Variants in SNRNP40 observed in about 807,000 individuals in gnomAD.
SNRNP40 encodes U5 small nuclear ribonucleoprotein 40 kDa protein.
A neutral mutation model predicts 45.8 loss-of-function variants in SNRNP40; 21 were observed. That is an observed-to-expected ratio of 0.46 (90% CI 0.32 to 0.66). The LOEUF is 0.66. Among genes scored for constraint, SNRNP40 ranks in the 30% least tolerant of loss-of-function variants. The probability of loss-of-function intolerance (pLI) is 0.03; values close to 1 mark genes in which losing one functional copy is unlikely to be tolerated. For synonymous variants in SNRNP40, 142 were observed against 163.8 expected, an observed-to-expected ratio of 0.87 and a Z score of 1.01; for missense variants, 344 against 439.1, an observed-to-expected ratio of 0.78 and a Z score of 1.94.
intron 2 of SNRNP40, 122 bp from the exon 3 acceptor site, chr1:31,292,128 C>A: frequency 1.9e-6 from 1 of 539,432 alleles, no homozygotes; most frequent in Non-Finnish European, 3.4e-6. Context: ...TTTGGGAGGC[C>A]GAGACGGGTG....
At position 31,293,406 on chromosome 1, in the gene SNRNP40, T is replaced by C. The variant is rs1646120635; in HGVS notation, c.142-58A>G. ...CATACAGACAAAGGAGGCTACAAAATTAGGGGGTGGGGAGTGGAGGGAAAA... is the reference window on the plus strand; with the variant it reads ...CATACAGACAAAGGAGGCTACAAAACTAGGGGGTGGGGAGTGGAGGGAAAA... On this transcript the variant is annotated intron_variant, in intron 1 of 9. Transcript: ENST00000263694. The C allele has an allele frequency of 4.6e-6, 7 of 1,519,100 alleles. No homozygotes were observed. In the African/African-American group the frequency reaches 5.6e-5, roughly 12 times the overall value. The allele number at this position is 1,519,100 out of a possible 1,614,324, so 94.1% of individuals were successfully genotyped here.
intron 4 of SNRNP40, among the ~76,000 whole-genome samples, chr1:31,284,207 T>A (rs897170758): frequency 6.6e-6 from 1 of 152,110 alleles, no homozygotes; most frequent in African/African-American, 2.4e-5. Flanking sequence ...TGGGTGAGAG[T>A]GGCGGCATCT....
At chr1:31,281,633 A>G in intron 4 of SNRNP40, 137 bp from the exon 5 acceptor site, 1 of 659,846 alleles carries the variant, frequency 1.5e-6, no homozygotes, top group Non-Finnish European at 2.3e-6. Flanking sequence ...TAACTCCTGG[A>G]TATCCTAATA....
Position 31,271,379 on chromosome 1 carries a change from CTG to C in SNRNP40, c.773_774del (p.Thr258SerfsTer27). On this transcript the variant is annotated frameshift_variant and splice_region_variant, in exon 6 of 10. Coordinates refer to ENST00000263694, the MANE Select transcript of SNRNP40 (RefSeq NM_004814.3). LOFTEE classifies it high-confidence loss of function. ...SYLLSNAMDNTVRVWDVRPFA... is the reference protein window; with the variant it reads ...SYLLSNAMDNXVRVWDVRPFA... ...GGAGAGATTTCCTTTCCAAAGTTAC[CTG>C]TATTGTCCATTGCATTGGACAAAAG... The C allele has an allele frequency of 2.5e-6, 4 of 1,602,888 alleles. No homozygotes were observed. The highest frequency in any genetic ancestry group is 3.4e-6 in the Non-Finnish European group (4 of 1,177,074).
chr1:31,281,567 T>TTAA, intron 4 of SNRNP40, 71 bp from the exon 5 acceptor site: 1 of 1,408,362 alleles, frequency 7.1e-7, no homozygotes, highest in Non-Finnish European at 9.6e-7. Flanking sequence ...CAAATATCCC[T>TTAA]TAAGTACGAG....
At chr1:31,294,721 C>T (rs1353023569) in intron 1 of SNRNP40, among the ~76,000 whole-genome samples, 3 of 152,114 alleles carry the variant, frequency 2.0e-5, no homozygotes, top group African/African-American at 7.2e-5. Flanking sequence ...GGGCGGATCA[C>T]TTGAGGTCAA....
chr1:31,261,171 T>C (rs1428019449), intron 9 of SNRNP40: 16 of 345,168 alleles, frequency 4.6e-5, no homozygotes, highest in Admixed American at 3.4e-4. Context: ...TGAAACCCCG[T>C]CTCTACTAAA....
intron 1 of SNRNP40, 47 bp downstream of exon 1, chr1:31,296,564 G>C (rs200483003): frequency 2.8e-5 from 44 of 1,569,430 alleles, no homozygotes; most frequent in Non-Finnish European, 3.6e-5. Flanking sequence ...CGCTCTGAGG[G>C]GAGGAAGATG....
rs928428047 is a variant in SNRNP40, at chr1:31,259,727, A to G, written c.*345T>C. The G allele has an allele frequency of 2.9e-5, 14 of 477,564 alleles. No homozygotes were observed. Among genetic ancestry groups the G allele is most frequent in the Non-Finnish European group, 5.5e-5 (14 of 254,744 alleles). 29.6% of individuals were successfully genotyped at this position (477,564 alleles called of 1,614,324 possible). A position where few individuals can be genotyped will look rare whatever the true frequency, so the allele number is the denominator to read the frequency against. On this transcript the variant is annotated 3_prime_UTR_variant, in exon 10 of 10. Transcript: ENST00000263694. ...AATACAAAATGATATAGAGAAATACAGAAAGAAAATATCATACAAGCCAGT... is the reference window on the plus strand; with the variant it reads ...AATACAAAATGATATAGAGAAATACGGAAAGAAAATATCATACAAGCCAGT...
In SNRNP40 at chr1:31,291,996, A is replaced by T; in HGVS notation, c.282T>A (p.Asn94Lys). The T allele has an allele frequency of 1.9e-6, 3 of 1,606,600 alleles. No homozygotes were observed. The highest frequency in any genetic ancestry group is 2.6e-6 in the Non-Finnish European group (3 of 1,173,182). Residue 94 changes from asparagine to lysine, a missense_variant, in exon 3 of 10, where the codon AAT (asparagine) becomes AAA (lysine). By Grantham distance (94) the Asn-to-Lys change is moderately conservative (BLOSUM62 0). Around this residue, in one of 2 missense-constraint regions of SNRNP40, gnomAD observed 254 missense variants for 380.2 expected, o/e 0.67. Transcript: ENST00000263694. Reference protein sequence around the residue: ...AGFDRLILLWNVYGDCDNYAT... With the variant: ...AGFDRLILLWKVYGDCDNYAT... Reference sequence around the variant, plus strand: ...CATAGTTATCACAGTCACCATAGACATTCCACAGTACTGTTAGGGAGATGG... The same window carrying T: ...CATAGTTATCACAGTCACCATAGACTTTCCACAGTACTGTTAGGGAGATGG...
chr1:31,271,658 A>T lies in SNRNP40; in HGVS notation c.655-159T>A, dbSNP rs989360470. On this transcript the variant is annotated intron_variant, in intron 5 of 9. Transcript: ENST00000263694. ...AGAAAAACACCTTTTTTTAATTTTCATTTTTTTTTTGAGACAGCGTCTCAC... is the reference window on the plus strand; with the variant it reads ...AGAAAAACACCTTTTTTTAATTTTCTTTTTTTTTTTGAGACAGCGTCTCAC... Among the ~76,000 whole-genome samples, 22 of 150,356 alleles carry T rather than the reference A, an allele frequency of 1.5e-4. No individual in the cohort carries two copies. The South Asian group carries it at 1.9e-3, about 13-fold the overall frequency.
rs570364081 is a variant in SNRNP40, at chr1:31,266,705, T to C, written c.920+1166A>G. Among the ~76,000 whole-genome samples the C allele has an allele frequency of 2.6e-5, 4 of 152,310 alleles. No homozygotes were observed. The East Asian group carries it at 5.8e-4, about 22-fold the overall frequency. On this transcript the variant is annotated intron_variant, in intron 8 of 9. Transcript: ENST00000263694. ...CCCTGCACCTAGCAATCATTGCACT[T>C]CCCACTAACCCAGACACAGCTCTGA...
chr1:31,281,546 A>G, intron 4 of SNRNP40, 50 bp from the exon 5 acceptor site: 2 of 1,554,728 alleles, frequency 1.3e-6, no homozygotes, highest in Non-Finnish European at 1.8e-6. Flanking sequence ...CTAAGAAGCA[A>G]TTGCACAGTA....
chr1:31,271,380 T>C lies in SNRNP40; in HGVS notation c.774A>G (p.Thr258=). ...SYLLSNAMDN[T]VRVWDVRPFA... Reference sequence around the variant, plus strand: ...GAGAGATTTCCTTTCCAAAGTTACCTGTATTGTCCATTGCATTGGACAAAA... The same window carrying C: ...GAGAGATTTCCTTTCCAAAGTTACCCGTATTGTCCATTGCATTGGACAAAA... Residue 258 remains threonine, a splice_region_variant and synonymous_variant, in exon 6 of 10, where the codon ACA becomes ACG. Transcript: ENST00000263694. 3.1e-6 allele frequency: 5 copies of C among 1,603,886 alleles called. No individual in the cohort carries two copies. Among genetic ancestry groups the C allele is most frequent in the Non-Finnish European group, 4.2e-6 (5 of 1,177,502 alleles).
At chr1:31,278,543 T>A (rs1645991986) in intron 5 of SNRNP40, among the ~76,000 whole-genome samples, 2 of 152,238 alleles carry the variant, frequency 1.3e-5, no homozygotes, top group Admixed American at 6.5e-5. Context: ...AGTCTTCTAG[T>A]GATTCTGACG....
In SNRNP40 at chr1:31,279,218, C is replaced by T. The variant is rs114104309; in HGVS notation, c.654+2156G>A. On this transcript the variant is annotated intron_variant, in intron 5 of 9. Transcript: ENST00000263694. ...TTCCATCACGTATTAGCTGTGTAAC[C>T]TGGGTTTAAGCTGTTGTGCCTCTTT... 8.4e-3 allele frequency among the ~76,000 whole-genome samples: 1,284 copies of T among 152,232 alleles called. 19 individuals carry two copies. The highest frequency in any genetic ancestry group is 0.029 in the African/African-American group (1,208 of 41,502).
chr1:31,294,461 T>A lies in SNRNP40; in HGVS notation c.142-1113A>T, dbSNP rs917143804. Among the ~76,000 whole-genome samples the A allele has an allele frequency of 1.3e-4, 20 of 151,638 alleles. 1 individual carries two copies. Among genetic ancestry groups the A allele is most frequent in the Admixed American group, 8.5e-4 (13 of 15,212 alleles). On this transcript the variant is annotated intron_variant, in intron 1 of 9. Coordinates refer to ENST00000263694, the MANE Select transcript of SNRNP40 (RefSeq NM_004814.3). ...CCCAGCATTTTCATATTTATTTATT[T>A]ATTTATTTATTTTTTGGGGAAGGAG...
At chr1:31,262,776 T>G (rs1356462652) in intron 8 of SNRNP40, among the ~76,000 whole-genome samples, 1 of 151,904 alleles carries the variant, frequency 6.6e-6, no homozygotes, top group Non-Finnish European at 1.5e-5. Context: ...TCCTAGCACT[T>G]TGGGGGGCCA....
At chr1:31,281,642 T>G in intron 4 of SNRNP40, 146 bp from the exon 5 acceptor site, 1 of 602,752 alleles carries the variant, frequency 1.7e-6, no homozygotes, top group Non-Finnish European at 2.6e-6. Flanking sequence ...GATATCCTAA[T>G]AACACACATG....
Sources: gnomAD v4.1 joint callset for allele counts (sites outside exome capture counted in the v4.1 genomes callset) on GRCh38, gnomAD v4.1.1 for gene constraint, gnomAD v4.1.1 regional missense constraint, MANE v1.5 for transcripts, NCBI Gene and HGNC (gene_info 2026-07-23, HGNC 2026-07-21) for gene names.